The following ABAT variants were observed in gnomAD, a reference collection of about 807,000 sequenced individuals.
The protein encoded by ABAT is 4-aminobutyrate aminotransferase.
A neutral mutation model predicts 64.6 loss-of-function variants in ABAT; 45 were observed. The ratio of observed to expected loss-of-function variants is 0.70; its 90% CI spans 0.55 to 0.89. ABAT has a LOEUF of 0.89. Ranked by LOEUF, ABAT falls within the 40% of genes least tolerant of loss-of-function variation. The pLI, the probability that ABAT is intolerant of heterozygous loss-of-function variation, is 0.00. For missense variants in ABAT, 633 were observed against 658.4 expected (o/e 0.96, Z 0.42); for synonymous variants, 297 against 250.5 (o/e 1.19, Z -1.75).
chr16:8,781,195 AT>A lies in ABAT; in HGVS notation c.1382-113del. On this transcript the variant is annotated intron_variant, in intron 15 of 15. Transcript: ENST00000268251. The surrounding 1 kb of genome is among the most constrained non-coding windows in gnomAD (Gnocchi z 4.5). The stretch of plus-strand genomic sequence containing the variant: ...GGGCTTCCATGATGGAGGATGATGG[AT>A]GGATGGATGGATGGATGGATGAGCG... 1 of 1,332,782 alleles carries A rather than the reference AT, an allele frequency of 7.5e-7. No homozygotes were observed. The highest frequency in any genetic ancestry group is 1.0e-6 in the Non-Finnish European group (1 of 967,444). 82.6% of individuals were successfully genotyped at this position (1,332,782 alleles called of 1,614,324 possible). A position where few individuals can be genotyped will look rare whatever the true frequency, so the allele number is the denominator to read the frequency against.
chr16:8,752,273 A>G (rs2142753925), intron 5 of ABAT, among the ~76,000 whole-genome samples: 1 of 152,284 alleles, frequency 6.6e-6, no homozygotes, highest in East Asian at 1.9e-4. Flanking sequence ...CAAGAATTTA[A>G]AAACCCCATC....
chr16:8,736,743 A>G (rs2058951419), intron 2 of ABAT: 1 of 152,120 alleles, frequency 6.6e-6, no homozygotes, highest in Non-Finnish European at 1.5e-5. Flanking sequence ...ATCCTATTTT[A>G]CAGGTGAGAG....
chr16:8,732,362 C>T (rs1487361144), intron 1 of ABAT, among the ~76,000 whole-genome samples: 2 of 150,448 alleles, frequency 1.3e-5, no homozygotes, highest in African/African-American at 2.5e-5. Context: ...GGCAGAGGAC[C>T]CTGCGGCCTT....
At chr16:8,701,130 G>T (rs1284800584) in intron 1 of ABAT, among the ~76,000 whole-genome samples, 1 of 152,012 alleles carries the variant, frequency 6.6e-6, no homozygotes. Context: ...TAGAGACGGG[G>T]TTTCACCCTG....
In ABAT at chr16:8,738,616, G is replaced by GTTTTTTTT. The variant is rs772511380; in HGVS notation, c.70+2812_70+2813insTTTTTTTT. 3.2e-4 allele frequency among the ~76,000 whole-genome samples: 38 copies of GTTTTTTTT among 117,620 alleles called. 5 individuals are homozygous for GTTTTTTTT. Among genetic ancestry groups the GTTTTTTTT allele is most frequent in the East Asian group, 5.4e-4 (2 of 3,736 alleles). 77.2% of individuals were successfully genotyped at this position (117,620 alleles called of 152,430 possible). A position where few individuals can be genotyped will look rare whatever the true frequency, so the allele number is the denominator to read the frequency against. On this transcript the variant is annotated intron_variant, in intron 2 of 15. Transcript: ENST00000268251. ...TTTTTTCTTTTTTGTTTTTGTTTTTGTTTTTGTTTTTGTTTTTTTTTTGGT... is the reference window on the plus strand; with the variant it reads ...TTTTTTCTTTTTTGTTTTTGTTTTTGTTTTTTTTTTTTTGTTTTTGTTTTTTTTTTGGT...
chr16:8,768,397 T>C (rs2142974224), intron 10 of ABAT, 141 bp downstream of exon 10: 1 of 947,932 alleles, frequency 1.1e-6, no homozygotes, highest in South Asian at 1.4e-5. Context: ...GGGATTATTA[T>C]TCCTGCTTTG....
intron 14 of ABAT, among the ~76,000 whole-genome samples, chr16:8,777,003 A>G (rs1310815082): frequency 6.6e-6 from 1 of 152,044 alleles, no homozygotes; most frequent in Non-Finnish European, 1.5e-5. Context: ...GGTTCAGGAG[A>G]TTCTCCGGCC....
intron 6 of ABAT, among the ~76,000 whole-genome samples, chr16:8,760,835 G>GA (rs1315326303): frequency 6.6e-6 from 1 of 152,194 alleles, no homozygotes; most frequent in African/African-American, 2.4e-5. Flanking sequence ...AGCACTCTGG[G>GA]AGGCTGAGGC....
At position 8,776,604 on chromosome 16, in the gene ABAT, A is replaced by C; in HGVS notation, c.1269+114A>C. 2 of 1,171,418 alleles carry C rather than the reference A, an allele frequency of 1.7e-6. No homozygotes were observed. Among genetic ancestry groups the C allele is most frequent in the Non-Finnish European group, 2.5e-6 (2 of 813,710 alleles). 72.6% of individuals were successfully genotyped at this position (1,171,418 alleles called of 1,614,324 possible). A position where few individuals can be genotyped will look rare whatever the true frequency, so the allele number is the denominator to read the frequency against. ...TGTGCCTGCTGTTCCAGCAGTTCGT[A>C]ACGGGCTGTGCTGCTCCTAGCCTTG... On this transcript the variant is annotated intron_variant, in intron 14 of 15. Transcript: ENST00000268251. The surrounding 1 kb of genome is among the most constrained non-coding windows in gnomAD (Gnocchi z 4.4).
chr16:8,762,698 C>G (rs957726621), intron 6 of ABAT, among the ~76,000 whole-genome samples: 3 of 152,214 alleles, frequency 2.0e-5, no homozygotes, highest in Non-Finnish European at 2.9e-5. Flanking sequence ...CCCTACCCTT[C>G]TGGGAGCCAT....
intron 14 of ABAT, among the ~76,000 whole-genome samples, chr16:8,777,955 A>AAAAG (rs60454778): frequency 0.099 from 15,060 of 152,104 alleles, 923 homozygotes; most frequent in African/African-American, 0.17. Context: ...ATACTCCACA[A>AAAAG]AAAGAAACAA....
intron 1 of ABAT, among the ~76,000 whole-genome samples, chr16:8,719,625 C>T (rs530876625): frequency 6.6e-6 from 1 of 152,132 alleles, no homozygotes; most frequent in Non-Finnish European, 1.5e-5. Flanking sequence ...GGTAGCAGGA[C>T]CACCGCATGT....
intron 2 of ABAT, among the ~76,000 whole-genome samples, chr16:8,739,335 T>C (rs10153069): frequency 1.3e-5 from 2 of 152,168 alleles, no homozygotes; most frequent in South Asian, 4.1e-4. Context: ...CTAACCGATA[T>C]ACCTTATCCA....
rs376531387 is a variant in ABAT, at chr16:8,764,149, G to A, written c.447G>A (p.Ser149=). 34 of 1,612,756 alleles carry A rather than the reference G, an allele frequency of 2.1e-5. No homozygotes were observed. The highest frequency in any genetic ancestry group is 1.6e-4 in the Middle Eastern group (1 of 6,084). Reference sequence around the variant, plus strand: ...AGAAGCTCCGGCAGTCCTTGCTCTCGGTGAGTTCTGGAGAAGCAATCCCAT... The same window carrying A: ...AGAAGCTCCGGCAGTCCTTGCTCTCAGTGAGTTCTGGAGAAGCAATCCCAT... ...FVEKLRQSLL[S]VAPKGMSQLI... Residue 149 remains serine, a splice_region_variant and synonymous_variant, in exon 7 of 16, where the codon TCG becomes TCA. Coordinates refer to ENST00000268251, the MANE Select transcript of ABAT (RefSeq NM_020686.6). This position sits in a 1 kb window ranked among gnomAD's most constrained non-coding sequence, Gnocchi z 4.2.
At chr16:8,778,086 A>G (rs945403844) in intron 14 of ABAT, among the ~76,000 whole-genome samples, 5 of 152,140 alleles carry the variant, frequency 3.3e-5, no homozygotes, top group African/African-American at 1.2e-4. Context: ...CTCAGCCCCC[A>G]GTACCCTGAA....
In ABAT at chr16:8,776,949, A is replaced by G. The variant is rs184432316; in HGVS notation, c.1269+459A>G. On this transcript the variant is annotated intron_variant, in intron 14 of 15. Coordinates refer to ENST00000268251, the MANE Select transcript of ABAT (RefSeq NM_020686.6). The surrounding 1 kb of genome is among the most constrained non-coding windows in gnomAD (Gnocchi z 4.4). Reference sequence around the variant, plus strand: ...AAGTCTTGCTTTGTACCCAGGCTGGAGTGCAGTGGCGCAATCTCAGCTCAC... The same window carrying G: ...AAGTCTTGCTTTGTACCCAGGCTGGGGTGCAGTGGCGCAATCTCAGCTCAC... Among the ~76,000 whole-genome samples, 11 of 152,126 alleles carry G rather than the reference A, an allele frequency of 7.2e-5. No individual in the cohort carries two copies. The highest frequency in any genetic ancestry group is 6.5e-4 in the Admixed American group (10 of 15,270).
At chr16:8,716,056 C>A (rs1379719754) in intron 1 of ABAT, among the ~76,000 whole-genome samples, 3 of 152,170 alleles carry the variant, frequency 2.0e-5, no homozygotes, top group African/African-American at 7.2e-5. Flanking sequence ...AGTGCCCAGG[C>A]TGGGCACTCT....
At position 8,751,193 on chromosome 16, in the gene ABAT, C is replaced by T. The variant is rs1426243899; in HGVS notation, c.316+654C>T. ...AGAACTCCTGACCGCAAGTGATCTGCCTGCCTCAGCCTCCCACAGTGCTGG... is the reference window on the plus strand; with the variant it reads ...AGAACTCCTGACCGCAAGTGATCTGTCTGCCTCAGCCTCCCACAGTGCTGG... On this transcript the variant is annotated intron_variant, in intron 5 of 15. Transcript: ENST00000268251. Among the ~76,000 whole-genome samples, 5 of 152,228 alleles carry T rather than the reference C, an allele frequency of 3.3e-5. No individual in the cohort carries two copies. In the East Asian group the frequency reaches 7.7e-4, roughly 23 times the overall value.
rs1163855148 is a variant in ABAT at position 8,750,434 on chromosome 16, G to T, written c.211G>T (p.Val71Leu). ...TTCTTTCTCCAAGAATGCAGAGGCTGTGCATTTTTTCTGCAATTACGAAGA... is the reference window on the plus strand; with the variant it reads ...TTCTTTCTCCAAGAATGCAGAGGCTTTGCATTTTTTCTGCAATTACGAAGA... The part of the protein sequence containing the change: ...QLNIIQNAEA[V>L]HFFCNYEESR... Residue 71 changes from valine (V) to leucine (L), a missense_variant, in exon 5 of 16, where the codon GTG becomes TTG. Val to Leu is a conservative substitution (Grantham distance 32). Coordinates refer to ENST00000268251, the MANE Select transcript of ABAT (RefSeq NM_020686.6). 3.7e-6 allele frequency: 6 copies of T among 1,614,036 alleles called. No individual in the cohort carries two copies. Among genetic ancestry groups the T allele is most frequent in the Non-Finnish European group, 5.1e-6 (6 of 1,179,902 alleles).
Sources: gnomAD v4.1 joint callset for allele counts (sites outside exome capture counted in the v4.1 genomes callset) on GRCh38, gnomAD v4.1.1 for gene constraint, Gnocchi (gnomAD v3.1) non-coding constraint, MANE v1.5 for transcripts, NCBI Gene and HGNC (gene_info 2026-07-23, HGNC 2026-07-21) for gene names.